ASIC2: variants seen among roughly 807,000 people sequenced by gnomAD.
ASIC2 encodes acid-sensing ion channel 2.
A neutral mutation model predicts 57.3 loss-of-function variants in ASIC2; 25 were observed. The ratio of observed to expected loss-of-function variants is 0.44; its 90% CI spans 0.32 to 0.61. ASIC2 has a LOEUF of 0.61. Among genes scored for constraint, ASIC2 ranks in the 20% least tolerant of loss-of-function variants. ASIC2 has a pLI of 0.06. For synonymous variants in ASIC2, 319 were observed against 307.5 expected, an observed-to-expected ratio of 1.04 and a Z score of -0.39; for missense variants, 641 against 738.1, an observed-to-expected ratio of 0.87 and a Z score of 1.52.
intron 1 of ASIC2, among the ~76,000 whole-genome samples, chr17:33,226,324 C>CT (rs1289972642): frequency 6.6e-6 from 1 of 152,176 alleles, no homozygotes; most frequent in African/African-American, 2.4e-5. Flanking sequence ...GTACTATACA[C>CT]TAACTCTGTT....
intron 1 of ASIC2, among the ~76,000 whole-genome samples, chr17:33,576,987 T>G (rs1298375539): frequency 6.6e-6 from 1 of 152,252 alleles, no homozygotes; most frequent in Non-Finnish European, 1.5e-5. Context: ...TGACATATAG[T>G]ATGTTCTCAT....
At chr17:33,643,074 G>C (rs987843749) in intron 1 of ASIC2, among the ~76,000 whole-genome samples, 5 of 152,182 alleles carry the variant, frequency 3.3e-5, no homozygotes, top group African/African-American at 1.2e-4. Flanking sequence ...ATGACCCACA[G>C]TAGGAAATAC....
At chr17:33,924,489 A>G (rs1915781333) in intron 1 of ASIC2, among the ~76,000 whole-genome samples, 1 of 152,220 alleles carries the variant, frequency 6.6e-6, no homozygotes, top group African/African-American at 2.4e-5. Context: ...CATGCTAGGA[A>G]AGCATTCGCC....
At chr17:33,892,636 C>G (rs1914993963) in intron 1 of ASIC2, among the ~76,000 whole-genome samples, 1 of 152,208 alleles carries the variant, frequency 6.6e-6, no homozygotes, top group Non-Finnish European at 1.5e-5. Flanking sequence ...GGACTGTAGG[C>G]ACATGGGGCA....
chr17:34,085,523 G>A (rs1301144748), intron 1 of ASIC2, among the ~76,000 whole-genome samples: 2 of 152,178 alleles, frequency 1.3e-5, no homozygotes, highest in Non-Finnish European at 2.9e-5. Context: ...TCTCTGCCAG[G>A]CTTTGGTATC....
intron 1 of ASIC2, among the ~76,000 whole-genome samples, chr17:34,144,583 A>T (rs1598046481): frequency 6.6e-6 from 1 of 152,326 alleles, no homozygotes; most frequent in South Asian, 2.1e-4. Flanking sequence ...AGTTTTACTT[A>T]TATTATTTCA....
At chr17:34,020,557 A>T (rs1789658237) in intron 1 of ASIC2, among the ~76,000 whole-genome samples, 1 of 152,206 alleles carries the variant, frequency 6.6e-6, no homozygotes, top group Admixed American at 6.5e-5. Flanking sequence ...GAAGTTAGAG[A>T]GATTTGAGTG....
chr17:33,174,255 C>G (rs1905648345), intron 1 of ASIC2, among the ~76,000 whole-genome samples: 1 of 151,994 alleles, frequency 6.6e-6, no homozygotes, highest in African/African-American at 2.4e-5. Context: ...AACCCTGTCT[C>G]TACTAAAAAT....
At chr17:33,253,828 T>C (rs918012580) in intron 1 of ASIC2, among the ~76,000 whole-genome samples, 5 of 152,192 alleles carry the variant, frequency 3.3e-5, no homozygotes, top group Non-Finnish European at 5.9e-5. Context: ...CTGATCTTGG[T>C]GGATGTTCCA....
intron 1 of ASIC2, among the ~76,000 whole-genome samples, chr17:33,399,892 T>G (rs1249973677): frequency 1.3e-5 from 2 of 152,160 alleles, no homozygotes. Context: ...CTCATTTCTT[T>G]GGGGAATAGA....
chr17:33,103,230 T>A (rs2092221021), intron 2 of ASIC2, among the ~76,000 whole-genome samples: 1 of 152,250 alleles, frequency 6.6e-6, no homozygotes, highest in African/African-American at 2.4e-5. Flanking sequence ...CCTTCATTTA[T>A]TTTTTATTTA....
intron 1 of ASIC2, among the ~76,000 whole-genome samples, chr17:33,744,363 G>T (rs927375724): frequency 6.6e-6 from 1 of 152,172 alleles, no homozygotes; most frequent in African/African-American, 2.4e-5. Flanking sequence ...TAAAGACTGG[G>T]TGTAATACCA....
intron 1 of ASIC2, among the ~76,000 whole-genome samples, chr17:33,330,555 A>G (rs1388360124): frequency 2.6e-5 from 4 of 152,166 alleles, no homozygotes; most frequent in Non-Finnish European, 4.4e-5. Flanking sequence ...ATGCAATCAC[A>G]TTATTGGACC....
At chr17:33,111,773 T>A (rs1462462920) in intron 2 of ASIC2, 144 bp downstream of exon 2, 23 of 1,208,996 alleles carry the variant, frequency 1.9e-5, no homozygotes, top group Non-Finnish European at 1.6e-5. Context: ...GCCAGGGACA[T>A]CTTTATGATC....
chr17:33,154,379 C>T (rs1904915782), intron 1 of ASIC2, among the ~76,000 whole-genome samples: 3 of 152,198 alleles, frequency 2.0e-5, no homozygotes, highest in Admixed American at 2.0e-4. Context: ...TTCATGGCAA[C>T]AAATTATTTC....
intron 1 of ASIC2, among the ~76,000 whole-genome samples, chr17:33,492,616 C>G (rs762405129): frequency 3.3e-5 from 5 of 152,174 alleles, no homozygotes; most frequent in Non-Finnish European, 7.3e-5. Context: ...CCATTTAAAA[C>G]AGTTGGCCCT....
intron 1 of ASIC2, chr17:33,793,538 A>C (rs181119443): frequency 6.6e-6 from 1 of 152,232 alleles, no homozygotes. Context: ...GACCATAGCC[A>C]TTGTTGCAAA....
chr17:34,069,706 C>G (rs1174859476), intron 1 of ASIC2: 1 of 152,232 alleles, frequency 6.6e-6, no homozygotes, highest in Non-Finnish European at 1.5e-5. Context: ...CAGGCCTAAT[C>G]AAAACATTCA....
intron 1 of ASIC2, among the ~76,000 whole-genome samples, chr17:33,389,161 T>C (rs1799445916): frequency 6.6e-6 from 1 of 152,134 alleles, no homozygotes; most frequent in Non-Finnish European, 1.5e-5. Flanking sequence ...GGTCTTGCTG[T>C]GTTGCCCTGG....
Sources: allele counts gnomAD v4.1 joint callset (sites outside exome capture counted in the v4.1 genomes callset), GRCh38; gene constraint gnomAD v4.1.1; transcripts MANE v1.5; gene names NCBI Gene and HGNC (gene_info 2026-07-23, HGNC 2026-07-21).